The following RBPMS2 variants were observed in gnomAD, a reference collection of about 807,000 sequenced individuals.
RBPMS2 encodes RNA binding protein, mRNA processing factor 2, also known as RNA-binding protein with multiple splicing 2.
RBPMS2 carries 14 observed loss-of-function variants against 25.7 expected under a neutral mutation model. The observed-to-expected ratio is 0.55, with a 90% CI of 0.36 to 0.85. RBPMS2 has a LOEUF of 0.85. Ranked by LOEUF, RBPMS2 falls within the 40% of genes least tolerant of loss-of-function variation. The pLI is 0.01. For synonymous variants in RBPMS2, 127 were observed against 115.6 expected (o/e 1.10, Z -0.63); for missense variants, 252 against 283.4 (o/e 0.89, Z 0.80).
intron 1 of RBPMS2, among the ~76,000 whole-genome samples, chr15:64,757,651 C>T (rs2083745652): frequency 6.6e-6 from 1 of 152,154 alleles, no homozygotes. Flanking sequence ...TCAGCAATGG[C>T]AGGAACAGAG....
chr15:64,749,680 T>C (rs1191113048), intron 3 of RBPMS2, among the ~76,000 whole-genome samples, 187 bp from the exon 4 acceptor site: 2 of 152,148 alleles, frequency 1.3e-5, no homozygotes, highest in Non-Finnish European at 2.9e-5. Context: ...AACAGCAGTT[T>C]AACATGCACC....
At chr15:64,767,676 AT>A (rs936338410) in intron 1 of RBPMS2, among the ~76,000 whole-genome samples, 6 of 151,228 alleles carry the variant, frequency 4.0e-5, no homozygotes, top group Admixed American at 1.3e-4. Context: ...CTTGAGTGGG[AT>A]TTTTTTTTCT....
At chr15:64,767,596 G>C (rs1322414453) in intron 1 of RBPMS2, among the ~76,000 whole-genome samples, 1 of 152,236 alleles carries the variant, frequency 6.6e-6, no homozygotes, top group Non-Finnish European at 1.5e-5. Context: ...ACCAGCCATG[G>C]CTTCCTCTAC....
chr15:64,770,680 T>G (rs905506878), intron 1 of RBPMS2, among the ~76,000 whole-genome samples: 1 of 152,082 alleles, frequency 6.6e-6, no homozygotes, highest in Non-Finnish European at 1.5e-5. Flanking sequence ...CCCAGATGCT[T>G]TCAAATGCTA....
intron 1 of RBPMS2, among the ~76,000 whole-genome samples, chr15:64,753,011 G>A (rs139925033): frequency 1.3e-5 from 2 of 152,126 alleles, no homozygotes; most frequent in Admixed American, 6.6e-5. Flanking sequence ...CTATTTAAAC[G>A]CTGCTGGCAC....
At chr15:64,766,038 C>A (rs1207136011) in intron 1 of RBPMS2, among the ~76,000 whole-genome samples, 1 of 151,894 alleles carries the variant, frequency 6.6e-6, no homozygotes, top group Admixed American at 6.6e-5. Flanking sequence ...CCTCTCCTAA[C>A]TCCCTGCCCC....
At chr15:64,768,530 C>T (rs1238281262) in intron 1 of RBPMS2, among the ~76,000 whole-genome samples, 1 of 151,642 alleles carries the variant, frequency 6.6e-6, no homozygotes, top group African/African-American at 2.4e-5. Flanking sequence ...CCCAGCTACT[C>T]GGGAGGATGA....
At chr15:64,758,413 G>C (rs180977731) in intron 1 of RBPMS2, among the ~76,000 whole-genome samples, 201 of 152,350 alleles carry the variant, frequency 1.3e-3, no homozygotes, top group African/African-American at 4.6e-3. Context: ...GGGAGACCGG[G>C]GGAACGGATG....
At chr15:64,774,374 T>C (rs2083912889) in intron 1 of RBPMS2, among the ~76,000 whole-genome samples, 2 of 152,100 alleles carry the variant, frequency 1.3e-5, no homozygotes, top group Admixed American at 6.5e-5. Flanking sequence ...CTCGTCCCTA[T>C]TCACTGATAT....
chr15:64,767,167 C>G (rs2083854606), intron 1 of RBPMS2, among the ~76,000 whole-genome samples: 1 of 151,780 alleles, frequency 6.6e-6, no homozygotes, highest in South Asian at 2.1e-4. Flanking sequence ...TGGTGGGATA[C>G]TGGCTCACTG....
At chr15:64,745,099 C>T (rs1269266783) in intron 6 of RBPMS2, among the ~76,000 whole-genome samples, 1 of 152,008 alleles carries the variant, frequency 6.6e-6, no homozygotes, top group Non-Finnish European at 1.5e-5. Context: ...CAGGCATGAG[C>T]CACTGCGCCT....
chr15:64,758,422 TGGA>T (rs1308292703), intron 1 of RBPMS2, among the ~76,000 whole-genome samples: 2 of 152,132 alleles, frequency 1.3e-5, no homozygotes, highest in Non-Finnish European at 2.9e-5. Context: ...GGGGAACGGA[TGGA>T]GGATGATTCT....
intron 6 of RBPMS2, among the ~76,000 whole-genome samples, chr15:64,746,031 A>T (rs922726734): frequency 2.0e-5 from 3 of 152,160 alleles, no homozygotes; most frequent in Non-Finnish European, 4.4e-5. Flanking sequence ...TACTTCATTT[A>T]GACACTTTTA....
At position 64,748,547 on chromosome 15, in the gene RBPMS2, G is replaced by C. The variant is rs769457497; in HGVS notation, c.439C>G (p.Leu147Val). Reference sequence around the variant, plus strand: ...CAGGCCTCTGGGGATGCAGGGATCAGAGCAGCCCCCATCAGGTCATCTACA... The same window carrying C: ...CAGGCCTCTGGGGATGCAGGGATCACAGCAGCCCCCATCAGGTCATCTACA... The part of the protein sequence containing the change: ...RDPYDLMGAA[L>V]IPASPEAWAP... The change falls in exon 6 of 8, where the codon CTG (leucine) becomes GTG (valine). Residue 147 changes from leucine to valine, a missense_variant. Transcript: ENST00000300069. 1.6e-5 allele frequency: 25 copies of C among 1,579,014 alleles called. No homozygotes were observed. Among genetic ancestry groups the C allele is most frequent in the Admixed American group, 9.3e-5 (5 of 53,514 alleles).
At chr15:64,743,412 T>C (rs2083582709) in intron 6 of RBPMS2, among the ~76,000 whole-genome samples, 1 of 152,240 alleles carries the variant, frequency 6.6e-6, no homozygotes, top group Non-Finnish European at 1.5e-5. Flanking sequence ...AGCTCCCATA[T>C]TTGGGCTTGG....
chr15:64,762,768 C>T (rs149538281), intron 1 of RBPMS2, among the ~76,000 whole-genome samples: 3 of 152,224 alleles, frequency 2.0e-5, no homozygotes, highest in African/African-American at 7.2e-5. Flanking sequence ...TGACACCAGG[C>T]GTTTTAAAGG....
intron 1 of RBPMS2, among the ~76,000 whole-genome samples, chr15:64,753,128 T>C (rs150762040): frequency 3.7e-4 from 57 of 152,170 alleles, no homozygotes; most frequent in African/African-American, 1.3e-3. Flanking sequence ...CGTGGCTTCC[T>C]GAATAATGAA....
intron 1 of RBPMS2, among the ~76,000 whole-genome samples, chr15:64,763,371 A>C (rs1317553616): frequency 6.6e-6 from 1 of 152,152 alleles, no homozygotes; most frequent in Non-Finnish European, 1.5e-5. Flanking sequence ...CTACCCAGGC[A>C]AGGACGATGC....
intron 1 of RBPMS2, among the ~76,000 whole-genome samples, chr15:64,765,156 G>A (rs1448136951): frequency 6.7e-6 from 1 of 149,360 alleles, no homozygotes; most frequent in African/African-American, 2.5e-5. Flanking sequence ...GAACCCATGA[G>A]GCGGAAGTTG....
Sources: allele counts gnomAD v4.1 joint callset (sites outside exome capture counted in the v4.1 genomes callset), GRCh38; gene constraint gnomAD v4.1.1; transcripts MANE v1.5; gene names NCBI Gene and HGNC (gene_info 2026-07-23, HGNC 2026-07-21).